Variants in STX18 observed in about 807,000 individuals in gnomAD.
STX18 encodes syntaxin 18.
A neutral mutation model predicts 50.1 loss-of-function variants in STX18; 40 were observed. The ratio of observed to expected loss-of-function variants is 0.80; its 90% CI spans 0.62 to 1.04. The LOEUF (loss-of-function observed/expected upper bound fraction) is 1.04, where lower values mean the gene tolerates loss of function less well. Ranked by LOEUF, STX18 falls within the 50% of genes least tolerant of loss-of-function variation. STX18 has a pLI of 0.00. For synonymous variants in STX18, 158 were observed against 151.8 expected (o/e 1.04, Z -0.30); for missense variants, 410 against 415.8 (o/e 0.99, Z 0.12).
chr4:4,464,545 AACTCGT>A (rs1292236998), intron 2 of STX18, among the ~76,000 whole-genome samples: 1 of 152,160 alleles, frequency 6.6e-6, no homozygotes, highest in Non-Finnish European at 1.5e-5. Flanking sequence ...TTACCTAGGT[AACTCGT>A]ACTCCTTCAG....
chr4:4,506,641 C>T (rs865951163), intron 1 of STX18, among the ~76,000 whole-genome samples: 5 of 152,114 alleles, frequency 3.3e-5, no homozygotes, highest in Admixed American at 6.5e-5. Context: ...ACAAGACCCC[C>T]CGTGGATGCC....
At chr4:4,460,137 T>C (rs1727302296) in intron 2 of STX18, among the ~76,000 whole-genome samples, 1 of 152,212 alleles carries the variant, frequency 6.6e-6, no homozygotes, top group African/African-American at 2.4e-5. Flanking sequence ...ATATATTTTG[T>C]GTAATTATTT....
At chr4:4,507,837 A>T in intron 1 of STX18, 4 of 634,918 alleles carry the variant, frequency 6.3e-6, no homozygotes, top group Non-Finnish European at 1.0e-5. Flanking sequence ...AAAAAAAAAA[A>T]GTTAAAAAGC....
intron 3 of STX18, among the ~76,000 whole-genome samples, chr4:4,459,049 A>AACACACACACGCGCAC (rs1560174236): frequency 8.2e-6 from 1 of 121,826 alleles, no homozygotes; most frequent in Non-Finnish European, 1.7e-5. Flanking sequence ...TGCCACACAG[A>AACACACACACGCGCAC]ACACACACAC....
chr4:4,423,637 A>C (rs1725081564), intron 8 of STX18, 50 bp from the exon 9 acceptor site: 1 of 1,552,378 alleles, frequency 6.4e-7, no homozygotes, highest in African/African-American at 1.4e-5. Context: ...TTGGTAATCT[A>C]ACAGGACTGT....
At chr4:4,422,148 T>C (rs1484597862) in intron 9 of STX18, among the ~76,000 whole-genome samples, 1 of 152,146 alleles carries the variant, frequency 6.6e-6, no homozygotes. Flanking sequence ...CATCACCCCT[T>C]TTTAGAGAGT....
At chr4:4,495,206 G>T (rs555294722) in intron 1 of STX18, among the ~76,000 whole-genome samples, 5 of 152,254 alleles carry the variant, frequency 3.3e-5, no homozygotes, top group African/African-American at 1.2e-4. Context: ...GTGTGTGTGA[G>T]GATGAAATGC....
In STX18 at chr4:4,432,185, C is replaced by G. The variant is rs116513230; in HGVS notation, c.702+2585G>C. Among the ~76,000 whole-genome samples, 852 of 152,312 alleles carry G rather than the reference C, an allele frequency of 5.6e-3. 11 individuals are homozygous for G. Among genetic ancestry groups the G allele is most frequent in the African/African-American group, 0.019 (779 of 41,558 alleles). On this transcript the variant is annotated intron_variant, in intron 7 of 10. Coordinates refer to ENST00000306200, the MANE Select transcript of STX18 (RefSeq NM_016930.4). ...GAAGGAGAACCCCCAAAGCAAGTCT[C>G]AGGAAAGTCAGGGCTAATGGTACCA... is the stretch of plus-strand genomic sequence containing the variant.
At chr4:4,494,688 A>C (rs1041232004) in intron 1 of STX18, among the ~76,000 whole-genome samples, 1 of 152,166 alleles carries the variant, frequency 6.6e-6, no homozygotes, top group Admixed American at 6.5e-5. Context: ...TTAACAATCA[A>C]GCTCCAGGTT....
intron 1 of STX18, among the ~76,000 whole-genome samples, chr4:4,478,279 G>A (rs1728294204): frequency 6.6e-6 from 1 of 151,180 alleles, no homozygotes; most frequent in Non-Finnish European, 1.5e-5. Context: ...CTCTGAAGTT[G>A]GCTACTACTG....
Position 4,420,081 on chromosome 4 carries a change from C to G in STX18, c.961G>C (p.Val321Leu). ...AAGAGCAAGGAGAAGGAGCACATCACGAGGAAGAAGAGGATCCACACGCGG... is the reference window on the plus strand; with the variant it reads ...AAGAGCAAGGAGAAGGAGCACATCAGGAGGAAGAAGAGGATCCACACGCGG... ...GFRVWILFFL[V>L]MCSFSLLFLD... The change falls in exon 11 of 11, where the codon GTG becomes CTG. Residue 321 changes from valine to leucine, a missense_variant. Transcript: ENST00000306200. The surrounding 1 kb of genome is among the most constrained non-coding windows in gnomAD (Gnocchi z 4.3). The G allele has an allele frequency of 6.2e-7, 1 of 1,613,476 alleles. No individual in the cohort carries two copies. The highest frequency in any genetic ancestry group is 1.1e-5 in the South Asian group (1 of 90,930).
intron 2 of STX18, among the ~76,000 whole-genome samples, chr4:4,471,138 G>A (rs1182608615): frequency 2.6e-5 from 4 of 152,170 alleles, no homozygotes; most frequent in African/African-American, 9.7e-5. Context: ...AGAAGAAAAT[G>A]GCCATCAGGA....
At chr4:4,477,428 T>G (rs1209254589) in intron 1 of STX18, among the ~76,000 whole-genome samples, 1 of 152,164 alleles carries the variant, frequency 6.6e-6, no homozygotes, top group African/African-American at 2.4e-5. Context: ...AAATTCCATG[T>G]AACAGGATCA....
intron 7 of STX18, among the ~76,000 whole-genome samples, chr4:4,426,785 G>A (rs1335065079): frequency 6.6e-6 from 1 of 152,110 alleles, no homozygotes; most frequent in African/African-American, 2.4e-5. Context: ...GTGATCTCAA[G>A]TGCTGGTCAT....
At chr4:4,508,518 G>A (rs998758862) in intron 1 of STX18, among the ~76,000 whole-genome samples, 1 of 152,100 alleles carries the variant, frequency 6.6e-6, no homozygotes, top group East Asian at 1.9e-4. Flanking sequence ...TTAACAAGAA[G>A]GAGCTGCTGT....
At chr4:4,473,609 A>G (rs1368738382) in intron 1 of STX18, among the ~76,000 whole-genome samples, 1 of 152,088 alleles carries the variant, frequency 6.6e-6, no homozygotes, top group Admixed American at 6.6e-5. Flanking sequence ...CTGACTTTTA[A>G]GTCTGTTGGG....
rs531986909 is a variant in STX18 at position 4,420,002 on chromosome 4, A to G, written c.*32T>C. Reference sequence around the variant, plus strand: ...AGCACGCAGTCTGTGAGTGCCCATGAGGACTCTCGTGCTGGGCCCCCGTGG... The same window carrying G: ...AGCACGCAGTCTGTGAGTGCCCATGGGGACTCTCGTGCTGGGCCCCCGTGG... On this transcript the variant is annotated 3_prime_UTR_variant, in exon 11 of 11. Transcript: ENST00000306200. This position sits in a 1 kb window ranked among gnomAD's most constrained non-coding sequence, Gnocchi z 4.3. 1 of 1,571,650 alleles carries G rather than the reference A, an allele frequency of 6.4e-7. No individual in the cohort carries two copies. The highest frequency in any genetic ancestry group is 8.7e-7 in the Non-Finnish European group (1 of 1,151,554).
Position 4,459,368 on chromosome 4 carries a change from T to C in STX18, c.352+4A>G, listed in dbSNP as rs1383151957. Reference sequence around the variant, plus strand: ...GCTTGTTTGCATCTTTCAGAGCACTTTACCTTCTGTTCGTAGTTGCTGAAT... The same window carrying C: ...GCTTGTTTGCATCTTTCAGAGCACTCTACCTTCTGTTCGTAGTTGCTGAAT... On this transcript the variant is annotated splice_donor_region_variant and intron_variant, in intron 3 of 10. Transcript: ENST00000306200. The C allele has an allele frequency of 6.2e-7, 1 of 1,610,136 alleles. No homozygotes were observed. The highest frequency in any genetic ancestry group is 1.1e-5 in the South Asian group (1 of 90,918).
At chr4:4,497,432 G>A (rs575109704) in intron 1 of STX18, among the ~76,000 whole-genome samples, 4 of 152,256 alleles carry the variant, frequency 2.6e-5, no homozygotes, top group South Asian at 4.2e-4. Flanking sequence ...GATTAAAACC[G>A]AAAACAGCAA....
Sources: gnomAD v4.1 joint callset for allele counts (sites outside exome capture counted in the v4.1 genomes callset) on GRCh38, gnomAD v4.1.1 for gene constraint, Gnocchi (gnomAD v3.1) non-coding constraint, MANE v1.5 for transcripts, NCBI Gene and HGNC (gene_info 2026-07-23, HGNC 2026-07-21) for gene names.